The following KCNC2 variants were observed in gnomAD, a reference collection of about 807,000 sequenced individuals.
KCNC2 encodes potassium voltage-gated channel subfamily C member 2.
A neutral mutation model predicts 44.5 loss-of-function variants in KCNC2; 21 were observed. The observed-to-expected ratio is 0.47, with a 90% CI of 0.33 to 0.68. The LOEUF is 0.68. Among genes scored for constraint, KCNC2 ranks in the 30% least tolerant of loss-of-function variants. The probability of loss-of-function intolerance (pLI) is 0.01; values close to 1 mark genes in which losing one functional copy is unlikely to be tolerated. For synonymous variants in KCNC2, 391 were observed against 339.1 expected (o/e 1.15, Z -1.68); for missense variants, 589 against 826.2 (o/e 0.71, Z 3.52).
chr12:75,108,018 G>A (rs1232464893), intron 2 of KCNC2, among the ~76,000 whole-genome samples: 4 of 152,076 alleles, frequency 2.6e-5, no homozygotes, highest in East Asian at 1.9e-4. Context: ...CACAAAAATC[G>A]TCCTTAGGCC....
chr12:75,207,832 C>T lies in KCNC2; in HGVS notation c.152G>A (p.Gly51Asp). Residue 51 changes from glycine (G) to aspartate (D), a missense_variant, in exon 2 of 5, where the codon GGC becomes GAC. This residue lies in a region of KCNC2 where 148 missense variants were observed against 140.1 expected (regional missense o/e 1.06). Transcript: ENST00000549446. This position sits in a 1 kb window ranked among gnomAD's most constrained non-coding sequence, Gnocchi z 4.1. ...AGGCGGCGACGGCTGCAGCTTGTCG[C>T]CCGCCGTGGTCAAGCAGTCGCCTGG... ...EPPGDCLTTA[G>D]DKLQPSPPPL... The T allele has an allele frequency of 6.2e-7, 1 of 1,609,494 alleles. No homozygotes were observed. The highest frequency in any genetic ancestry group is 2.2e-5 in the East Asian group (1 of 44,480).
chr12:75,156,545 A>T (rs1203678614), intron 2 of KCNC2, among the ~76,000 whole-genome samples: 1 of 151,852 alleles, frequency 6.6e-6, no homozygotes, highest in African/African-American at 2.4e-5. Flanking sequence ...AATAGGTATT[A>T]AATTCAAATC....
At chr12:75,101,271 T>C (rs1475522074) in intron 2 of KCNC2, among the ~76,000 whole-genome samples, 1 of 152,028 alleles carries the variant, frequency 6.6e-6, no homozygotes, top group African/African-American at 2.4e-5. Flanking sequence ...ATATGACCAT[T>C]AAACTTCTTT....
intron 2 of KCNC2, among the ~76,000 whole-genome samples, chr12:75,074,232 A>ATT (rs5799196): frequency 0.013 from 1,207 of 94,702 alleles, 7 homozygotes; most frequent in African/African-American, 0.019. Context: ...CTACTCATAG[A>ATT]TTTTTTTTTT....
At chr12:75,055,333 A>AGG (rs1881624711) in intron 2 of KCNC2, among the ~76,000 whole-genome samples, 2 of 151,780 alleles carry the variant, frequency 1.3e-5, no homozygotes, top group African/African-American at 4.8e-5. Context: ...AAGCAAAAAA[A>AGG]AAAGCCAAAT....
At chr12:75,071,937 C>CAAAAAA (rs751849483) in intron 2 of KCNC2, among the ~76,000 whole-genome samples, 2,614 of 66,804 alleles carry the variant, frequency 0.039, 392 homozygotes, top group East Asian at 0.076. Flanking sequence ...GACTCCTTCT[C>CAAAAAA]AAAAAAAAAA....
At chr12:75,061,342 A>G (rs1032618003) in intron 2 of KCNC2, among the ~76,000 whole-genome samples, 15 of 152,108 alleles carry the variant, frequency 9.9e-5, no homozygotes, top group African/African-American at 3.4e-4. Flanking sequence ...ATCTTGTGTG[A>G]CAAGAGTAGG....
chr12:75,104,972 T>C (rs1345133770), intron 2 of KCNC2, among the ~76,000 whole-genome samples: 1 of 152,158 alleles, frequency 6.6e-6, no homozygotes. Context: ...TAGGCACTGA[T>C]TTAGGCACTT....
At chr12:75,134,660 C>T (rs192959319) in intron 2 of KCNC2, among the ~76,000 whole-genome samples, 7 of 151,808 alleles carry the variant, frequency 4.6e-5, no homozygotes, top group African/African-American at 1.7e-4. Context: ...ATTCTGCAAG[C>T]CTCTAAGATA....
intron 2 of KCNC2, among the ~76,000 whole-genome samples, chr12:75,182,548 A>C (rs1349191128): frequency 8.0e-6 from 1 of 125,454 alleles, no homozygotes; most frequent in Non-Finnish European, 1.8e-5. Flanking sequence ...CAAAAAAAAC[A>C]AAAAAAAACA....
intron 2 of KCNC2, among the ~76,000 whole-genome samples, chr12:75,101,009 G>A (rs970734454): frequency 6.6e-6 from 1 of 151,968 alleles, no homozygotes; most frequent in Non-Finnish European, 1.5e-5. Flanking sequence ...TGTTACAAGG[G>A]TATTGATAAA....
At chr12:75,131,173 A>C (rs1461888559) in intron 2 of KCNC2, among the ~76,000 whole-genome samples, 1 of 152,194 alleles carries the variant, frequency 6.6e-6, no homozygotes, top group African/African-American at 2.4e-5. Context: ...AGCATAAAGA[A>C]GAAAATATTT....
At chr12:75,173,310 T>G (rs1891957480) in intron 2 of KCNC2, among the ~76,000 whole-genome samples, 1 of 151,898 alleles carries the variant, frequency 6.6e-6, no homozygotes, top group Non-Finnish European at 1.5e-5. Flanking sequence ...TATAGAGATA[T>G]AGAAGAATCA....
Position 75,050,479 on chromosome 12 carries a change from CA to C in KCNC2, c.1525del (p.Cys509AlafsTer5), listed in dbSNP as rs34386437. 6.2e-7 allele frequency: 1 copy of C among 1,613,656 alleles called. No homozygotes were observed. Among genetic ancestry groups the C allele is most frequent in the Non-Finnish European group, 8.5e-7 (1 of 1,179,766 alleles). ...GCAGGCCATATTTAATTCTGTCTTG[CA>C]AAAAGTAGGTGAGCTTGCCTGAGGA... ...PAPQASSPTF[C>X]KTELNMACNS... is the part of the protein sequence containing the mutation. On this transcript the variant is annotated frameshift_variant, in exon 3 of 5. Coordinates refer to ENST00000549446, the MANE Select transcript of KCNC2 (RefSeq NM_139137.4). LOFTEE classifies it high-confidence loss of function.
At chr12:75,102,162 G>A (rs1016593310) in intron 2 of KCNC2, among the ~76,000 whole-genome samples, 2 of 152,022 alleles carry the variant, frequency 1.3e-5, no homozygotes, top group East Asian at 1.9e-4. Context: ...TAGGGAAGAA[G>A]GACTTAGGTA....
chr12:75,147,042 T>A (rs904331769), intron 2 of KCNC2, among the ~76,000 whole-genome samples: 7 of 152,252 alleles, frequency 4.6e-5, no homozygotes, highest in Admixed American at 4.6e-4. Flanking sequence ...ATCCACACAA[T>A]TTTAGGTGCA....
In KCNC2 at chr12:75,041,994, A is replaced by G. The variant is rs1378886845; in HGVS notation, c.*1111T>C. 3 of 1,063,546 alleles carry G rather than the reference A, an allele frequency of 2.8e-6. No homozygotes were observed. The highest frequency in any genetic ancestry group is 2.3e-6 in the Non-Finnish European group (2 of 881,368). The allele number at this position is 1,063,546 out of a possible 1,614,324, so 65.9% of individuals were successfully genotyped here. The stretch of plus-strand genomic sequence containing the variant: ...CAGACAAGAACAACATACAGGACAA[A>G]GCACCTGATTAAACACTGCCTGAAA... On this transcript the variant is annotated 3_prime_UTR_variant, in exon 5 of 5. Transcript: ENST00000549446.
chr12:75,077,183 T>G (rs1903021), intron 2 of KCNC2, among the ~76,000 whole-genome samples: 8 of 152,186 alleles, frequency 5.3e-5, no homozygotes, highest in African/African-American at 1.9e-4. Flanking sequence ...TTAAGTTTAG[T>G]CCTCATGTAC....
At chr12:75,166,731 T>C (rs1257169034) in intron 2 of KCNC2, among the ~76,000 whole-genome samples, 1 of 150,958 alleles carries the variant, frequency 6.6e-6, no homozygotes, top group Non-Finnish European at 1.5e-5. Flanking sequence ...AAAAAGATGT[T>C]ATAAAAGAAA....
Sources: allele counts gnomAD v4.1 joint callset (sites outside exome capture counted in the v4.1 genomes callset), GRCh38; gene constraint gnomAD v4.1.1; regional missense constraint gnomAD v4.1.1; non-coding constraint Gnocchi (gnomAD v3.1); transcripts MANE v1.5; gene names NCBI Gene and HGNC (gene_info 2026-07-23, HGNC 2026-07-21).